The following PKD1L1 variants were observed in gnomAD, a reference collection of about 807,000 sequenced individuals.
PKD1L1 encodes the protein polycystin 1 like 1, transient receptor potential channel interacting, also known as polycystin-1-like protein 1.
In PKD1L1, 236 loss-of-function variants were observed where a neutral mutation model predicts 323.4. The ratio of observed to expected loss-of-function variants is 0.73; its 90% CI spans 0.66 to 0.81. The LOEUF is 0.81. Among genes scored for constraint, PKD1L1 ranks in the 40% least tolerant of loss-of-function variants. The pLI, the probability that PKD1L1 is intolerant of heterozygous loss-of-function variation, is 0.00. For synonymous variants in PKD1L1, 1,344 were observed against 1,335.0 expected (o/e 1.01, Z -0.15); for missense variants, 3,320 against 3,508.0 (o/e 0.95, Z 1.35).
chr7:47,838,892 A>G (rs920482848), intron 36 of PKD1L1, among the ~76,000 whole-genome samples: 5 of 151,652 alleles, frequency 3.3e-5, no homozygotes, highest in African/African-American at 1.2e-4. Context: ...AAAAAAAAAA[A>G]AAAAAGAAAG....
At chr7:47,897,262 C>T (rs932304192) in intron 14 of PKD1L1, among the ~76,000 whole-genome samples, 7 of 152,190 alleles carry the variant, frequency 4.6e-5, no homozygotes, top group Admixed American at 3.9e-4. Context: ...AATAGGACTG[C>T]GTGCCCCACA....
chr7:47,957,875 A>ATATATATATATATATATATATC, the PKD1L1 span, among the ~76,000 whole-genome samples: 3 of 148,426 alleles, frequency 2.0e-5, no homozygotes, highest in Non-Finnish European at 3.0e-5. Context: ...ATATATATAT[A>ATATATATATATATATATATATC]TATCTAGAAA....
chr7:47,870,993 A>AAAAAG (rs1786271368), intron 24 of PKD1L1, among the ~76,000 whole-genome samples: 1 of 151,790 alleles, frequency 6.6e-6, no homozygotes, highest in African/African-American at 2.4e-5. Flanking sequence ...AGAAAAAAAA[A>AAAAAG]AAAAAAGGAA....
rs141215945 is a variant in PKD1L1, at chr7:47,837,245, G to A, written c.5770-151C>T. 28 of 867,954 alleles carry A rather than the reference G, an allele frequency of 3.2e-5. 1 individual carries two copies. The Middle Eastern group carries it at 1.8e-3, about 55-fold the overall frequency. The allele number at this position is 867,954 out of a possible 1,614,324, so 53.8% of individuals were successfully genotyped here. Reference sequence around the variant, plus strand: ...TTAGCTGTGTACCAGGTGGGCTGTGGTGCAGGTAGACAGCACTGCACTCCC... The same window carrying A: ...TTAGCTGTGTACCAGGTGGGCTGTGATGCAGGTAGACAGCACTGCACTCCC... On this transcript the variant is annotated intron_variant, in intron 36 of 56. Coordinates refer to ENST00000289672, the MANE Select transcript of PKD1L1 (RefSeq NM_138295.5).
chr7:47,904,050 C>T (rs79296396), intron 12 of PKD1L1, among the ~76,000 whole-genome samples: 2,964 of 152,308 alleles, frequency 0.019, 39 homozygotes, highest in Admixed American at 0.032. Flanking sequence ...TTGCCCAGGA[C>T]CTTGTCACTG....
At chr7:47,935,545 T>G (rs1287519154) in intron 4 of PKD1L1, among the ~76,000 whole-genome samples, 8 of 152,222 alleles carry the variant, frequency 5.3e-5, no homozygotes, top group Non-Finnish European at 1.2e-4. Flanking sequence ...CAGCAAAGAC[T>G]CGGAGACTGC....
chr7:47,948,287 C>T (rs934463269), intron 1 of PKD1L1, 110 bp downstream of exon 1: 104 of 1,288,626 alleles, frequency 8.1e-5, no homozygotes, highest in Non-Finnish European at 1.0e-4. Context: ...GGCCTCCACT[C>T]GTGCCAGAGT....
intron 46 of PKD1L1, among the ~76,000 whole-genome samples, chr7:47,817,728 G>T (rs1364423046): frequency 1.3e-5 from 2 of 152,108 alleles, no homozygotes; most frequent in African/African-American, 4.8e-5. Context: ...AAATTAGCCA[G>T]ACATGGTGAT....
At chr7:47,923,090 G>A (rs1787586071) in intron 7 of PKD1L1, among the ~76,000 whole-genome samples, 1 of 152,080 alleles carries the variant, frequency 6.6e-6, no homozygotes, top group South Asian at 2.1e-4. Context: ...AATGGATTAA[G>A]GGCAGTGCAA....
At position 47,774,943 on chromosome 7, in the gene PKD1L1, T is replaced by C; in HGVS notation, c.*200A>G. ...ATCTGAACTCTCCGAATGGTGATTA[T>C]GAGTAACAGTCTGATGACAGATAAA... On this transcript the variant is annotated 3_prime_UTR_variant, in exon 57 of 57. Coordinates refer to ENST00000289672, the MANE Select transcript of PKD1L1 (RefSeq NM_138295.5). The C allele has an allele frequency of 1.6e-6, 1 of 620,566 alleles. No individual in the cohort carries two copies. Among genetic ancestry groups the C allele is most frequent in the Non-Finnish European group, 2.9e-6 (1 of 344,650 alleles). 38.4% of individuals were successfully genotyped at this position (620,566 alleles called of 1,614,324 possible).
chr7:47,955,789 C>T, the PKD1L1 span, among the ~76,000 whole-genome samples: 1 of 152,312 alleles, frequency 6.6e-6, no homozygotes, highest in South Asian at 2.1e-4. Context: ...CTAAACTAGA[C>T]TCCAGGAAAG....
rs759503743 is a variant in PKD1L1, at chr7:47,904,403, T to G, written c.1906A>C (p.Ser636Arg). Reference protein sequence around the residue: ...FGDGTVSLGSSSSSHVYSREG... With the variant: ...FGDGTVSLGSRSSSHVYSREG... ...CTACTGTAGACATGGCTGCTGGAGC[T>G]GCTCCCCAGGCTGACGGTGCCATCC... Residue 636 changes from serine to arginine, a missense_variant, in exon 12 of 57, where the codon AGC (serine) becomes CGC (arginine). Ser to Arg is a moderately radical substitution (Grantham distance 110). Transcript: ENST00000289672. 6.2e-7 allele frequency: 1 copy of G among 1,614,132 alleles called. No homozygotes were observed. The highest frequency in any genetic ancestry group is 8.5e-7 in the Non-Finnish European group (1 of 1,180,028).
At chr7:47,892,316 TGA>T (rs1259247445) in intron 15 of PKD1L1, among the ~76,000 whole-genome samples, 2 of 151,998 alleles carry the variant, frequency 1.3e-5, no homozygotes, top group African/African-American at 4.8e-5. Context: ...TGTAAAGAGC[TGA>T]GAGAGATGCA....
Position 47,813,162 on chromosome 7 carries a change from A to G in PKD1L1, c.7305T>C (p.Cys2435=), listed in dbSNP as rs769379900. The part of the protein sequence containing the change: ...QNVTLNGPGG[C]GTREDCVLSL... ...TGAGCACACAGTCCTCCCTTGTCCCACAGCCCCCAGGACCATTCAGGGTCA... is the reference window on the plus strand; with the variant it reads ...TGAGCACACAGTCCTCCCTTGTCCCGCAGCCCCCAGGACCATTCAGGGTCA... Residue 2435 remains cysteine (C), a synonymous_variant, in exon 49 of 57, where the codon TGT becomes TGC. Coordinates refer to ENST00000289672, the MANE Select transcript of PKD1L1 (RefSeq NM_138295.5). 72 of 1,613,888 alleles carry G rather than the reference A, an allele frequency of 4.5e-5. No individual in the cohort carries two copies. Among genetic ancestry groups the G allele is most frequent in the Admixed American group, 8.3e-5 (5 of 59,996 alleles).
At chr7:47,830,405 G>A (rs918319780) in intron 42 of PKD1L1, among the ~76,000 whole-genome samples, 5 of 152,242 alleles carry the variant, frequency 3.3e-5, no homozygotes, top group South Asian at 2.1e-4. Flanking sequence ...GAGGGGAAGG[G>A]GGAGGAAAAT....
chr7:47,856,208 T>C (rs1229738595), intron 28 of PKD1L1, among the ~76,000 whole-genome samples: 1 of 152,096 alleles, frequency 6.6e-6, no homozygotes, highest in Non-Finnish European at 1.5e-5. Flanking sequence ...CGGCTAATTT[T>C]TGTATTTTTA....
chr7:47,896,329 CA>C (rs34061319), intron 14 of PKD1L1, among the ~76,000 whole-genome samples: 5,947 of 46,872 alleles, frequency 0.13, 46 homozygotes, highest in East Asian at 0.2. Flanking sequence ...GACCCTGTCT[CA>C]AAAAAAAAAA....
chr7:47,817,818 C>G (rs937260990), intron 46 of PKD1L1, among the ~76,000 whole-genome samples: 1 of 151,890 alleles, frequency 6.6e-6, no homozygotes, highest in Admixed American at 6.6e-5. Flanking sequence ...TGCAGTGAGC[C>G]GAGATCGCGT....
At chr7:47,813,851 G>A in intron 48 of PKD1L1, 80 bp downstream of exon 48, 1 of 1,214,024 alleles carries the variant, frequency 8.2e-7, no homozygotes, top group Non-Finnish European at 1.2e-6. Flanking sequence ...CAAATGATCT[G>A]CCAGGGTCCT....
Sources: gnomAD v4.1 joint callset for allele counts (sites outside exome capture counted in the v4.1 genomes callset) on GRCh38, gnomAD v4.1.1 for gene constraint, MANE v1.5 for transcripts, NCBI Gene and HGNC (gene_info 2026-07-23, HGNC 2026-07-21) for gene names.